RALA: variants seen among roughly 807,000 people sequenced by gnomAD.
RALA encodes the protein ras-related protein Ral-A.
Under a neutral mutation model 24.0 loss-of-function variants are expected in RALA, and 5 were observed. The ratio of observed to expected loss-of-function variants is 0.21; its 90% CI spans 0.11 to 0.44. The LOEUF is 0.44. Among genes scored for constraint, RALA ranks in the 20% least tolerant of loss-of-function variants. The pLI, the probability that RALA is intolerant of heterozygous loss-of-function variation, is 0.99. For synonymous variants in RALA, 77 were observed against 83.8 expected, an observed-to-expected ratio of 0.92 and a Z score of 0.44; for missense variants, 95 against 241.2, an observed-to-expected ratio of 0.39 and a Z score of 4.01.
intron 1 of RALA, among the ~76,000 whole-genome samples, chr7:39,664,430 A>C (rs1010472734): frequency 2.6e-5 from 4 of 152,158 alleles, no homozygotes; most frequent in African/African-American, 9.7e-5. Context: ...TTGATATTGG[A>C]TAATGCCCCT....
chr7:39,644,487 A>T (rs1185842509), intron 1 of RALA, among the ~76,000 whole-genome samples: 1 of 152,284 alleles, frequency 6.6e-6, no homozygotes, highest in East Asian at 1.9e-4. Context: ...AACATAGTTT[A>T]ATTTTTCATA....
chr7:39,644,441 G>A (rs1791891662), intron 1 of RALA, among the ~76,000 whole-genome samples: 1 of 152,038 alleles, frequency 6.6e-6, no homozygotes, highest in African/African-American at 2.4e-5. Context: ...CAGTTGTTAA[G>A]TATTTAGAGA....
intron 1 of RALA, among the ~76,000 whole-genome samples, chr7:39,632,747 G>A (rs555735969): frequency 6.6e-6 from 1 of 152,264 alleles, no homozygotes; most frequent in South Asian, 2.1e-4. Context: ...AGCCCAGGAG[G>A]GGAGGCTTCA....
intron 1 of RALA, among the ~76,000 whole-genome samples, chr7:39,670,121 A>G (rs1337674767): frequency 6.6e-6 from 1 of 152,254 alleles, no homozygotes; most frequent in Non-Finnish European, 1.5e-5. Context: ...TTTAAAGATT[A>G]GATCTATTAA....
At chr7:39,667,452 G>T (rs1417657572) in intron 1 of RALA, among the ~76,000 whole-genome samples, 3 of 152,216 alleles carry the variant, frequency 2.0e-5, no homozygotes, top group Non-Finnish European at 4.4e-5. Context: ...TTTCTAGGTT[G>T]TAGAAGACAG....
At chr7:39,656,317 A>G (rs1033127394) in intron 1 of RALA, among the ~76,000 whole-genome samples, 1 of 152,176 alleles carries the variant, frequency 6.6e-6, no homozygotes, top group South Asian at 2.1e-4. Flanking sequence ...GGTCCCATCT[A>G]TTCATGTTTG....
intron 1 of RALA, among the ~76,000 whole-genome samples, chr7:39,642,814 A>G (rs1017951290): frequency 2.0e-5 from 3 of 152,206 alleles, no homozygotes; most frequent in African/African-American, 7.2e-5. Flanking sequence ...GAGAGTATTC[A>G]TTTTACATAT....
intron 1 of RALA, among the ~76,000 whole-genome samples, chr7:39,639,421 G>A (rs981895742): frequency 6.6e-6 from 1 of 152,080 alleles, no homozygotes; most frequent in East Asian, 1.9e-4. Flanking sequence ...AAATGGCGGT[G>A]ATGTGCGCAC....
At chr7:39,674,510 C>T (rs1281057321) in intron 1 of RALA, among the ~76,000 whole-genome samples, 1 of 152,164 alleles carries the variant, frequency 6.6e-6, no homozygotes, top group Non-Finnish European at 1.5e-5. Flanking sequence ...GCCCCATATT[C>T]ATGTGATAGT....
chr7:39,626,294 G>T (rs927191427), intron 1 of RALA, among the ~76,000 whole-genome samples: 2 of 152,212 alleles, frequency 1.3e-5, no homozygotes, highest in African/African-American at 4.8e-5. Flanking sequence ...TGCAAGACAG[G>T]TAGTTTTCCC....
chr7:39,705,886 T>C (rs1470854600), intron 4 of RALA, among the ~76,000 whole-genome samples: 2 of 152,118 alleles, frequency 1.3e-5, no homozygotes, highest in Non-Finnish European at 2.9e-5. Context: ...GATCAGGTTT[T>C]ATTACATATG....
chr7:39,624,480 T>A (rs1202828624), intron 1 of RALA: 1 of 152,216 alleles, frequency 6.6e-6, no homozygotes, highest in Non-Finnish European at 1.5e-5. Flanking sequence ...GAGAGGTGTT[T>A]CCTCTGTGGT....
chr7:39,684,492 C>T (rs1277703279), intron 1 of RALA, among the ~76,000 whole-genome samples: 2 of 151,830 alleles, frequency 1.3e-5, no homozygotes, highest in South Asian at 2.1e-4. Flanking sequence ...GACCTGAAGC[C>T]GCACCCAGTT....
At chr7:39,672,617 A>G (rs545707038) in intron 1 of RALA, among the ~76,000 whole-genome samples, 2 of 150,950 alleles carry the variant, frequency 1.3e-5, no homozygotes, top group South Asian at 2.1e-4. Flanking sequence ...ATAAATCATG[A>G]TACATCCAGA....
intron 1 of RALA, among the ~76,000 whole-genome samples, chr7:39,671,489 G>A (rs962005394): frequency 2.0e-5 from 3 of 152,042 alleles, no homozygotes; most frequent in African/African-American, 7.2e-5. Context: ...CTAAAAAGAC[G>A]CCTGAATATT....
At chr7:39,658,957 A>G (rs1378186185) in intron 1 of RALA, among the ~76,000 whole-genome samples, 1 of 151,990 alleles carries the variant, frequency 6.6e-6, no homozygotes, top group South Asian at 2.1e-4. Context: ...TTTTAAGTCT[A>G]TGACTTCATA....
chr7:39,700,203 G>A (rs896422842), intron 4 of RALA: 1 of 152,172 alleles, frequency 6.6e-6, no homozygotes, highest in Non-Finnish European at 1.5e-5. Context: ...GAACCTTTAT[G>A]GGTAAAACAG....
chr7:39,686,484 C>T (rs1352311639), intron 1 of RALA, 147 bp from the exon 2 acceptor site: 3 of 512,834 alleles, frequency 5.8e-6, no homozygotes, highest in Non-Finnish European at 1.0e-5. Context: ...GGTTTTTCCC[C>T]TAAGTGAGCA....
intron 1 of RALA, among the ~76,000 whole-genome samples, chr7:39,651,853 T>C (rs1792023507): frequency 6.6e-6 from 1 of 152,368 alleles, no homozygotes; most frequent in South Asian, 2.1e-4. Context: ...ACGACTGTTT[T>C]ATGGTTCATG....
Sources: gnomAD v4.1 joint callset for allele counts (sites outside exome capture counted in the v4.1 genomes callset) on GRCh38, gnomAD v4.1.1 for gene constraint, MANE v1.5 for transcripts, NCBI Gene and HGNC (gene_info 2026-07-23, HGNC 2026-07-21) for gene names.